TRPM7: variants seen among roughly 807,000 people sequenced by gnomAD.
TRPM7 encodes the protein LTRPC ion channel family member 7.
Under a neutral mutation model 229.7 loss-of-function variants are expected in TRPM7, and 134 were observed. That is an observed-to-expected ratio of 0.58 (90% CI 0.51 to 0.67). The LOEUF (loss-of-function observed/expected upper bound fraction) is 0.67. Among genes scored for constraint, TRPM7 ranks in the 30% least tolerant of loss-of-function variants. The probability of loss-of-function intolerance (pLI) is 0.00; values close to 1 mark genes in which losing one functional copy is unlikely to be tolerated. For missense variants in TRPM7, 1,901 were observed against 2,210.0 expected (o/e 0.86, Z 2.80); for synonymous variants, 699 against 715.2 (o/e 0.98, Z 0.36).
chr15:50,650,876 T>A lies in TRPM7; in HGVS notation c.123-1991A>T, dbSNP rs116737900. ...TAACCAAAAACATAAAATTCACTATTGTCAGCATGCATGAAAAATTCCCAG... is the reference window on the plus strand; with the variant it reads ...TAACCAAAAACATAAAATTCACTATAGTCAGCATGCATGAAAAATTCCCAG... On this transcript the variant is annotated intron_variant, in intron 3 of 38. Transcript: ENST00000646667. Among the ~76,000 whole-genome samples the A allele has an allele frequency of 4.0e-3, 616 of 152,276 alleles. 5 individuals carry two copies. Among genetic ancestry groups the A allele is most frequent in the African/African-American group, 0.014 (582 of 41,554 alleles).
intron 5 of TRPM7, 90 bp from the exon 6 acceptor site, chr15:50,639,638 C>CTCACTGCAGCCTCA (rs2061027669): frequency 1.4e-5 from 17 of 1,188,364 alleles, no homozygotes; most frequent in Non-Finnish European, 1.9e-5. Context: ...GCAATGACAG[C>CTCACTGCAGCCTCA]TCACTGCAGC....
At chr15:50,562,937 C>T (rs563837820) in intron 38 of TRPM7, among the ~76,000 whole-genome samples, 1 of 152,158 alleles carries the variant, frequency 6.6e-6, no homozygotes, top group South Asian at 2.1e-4. Flanking sequence ...TATCAAAGCT[C>T]TAGGAGGAGT....
At chr15:50,602,577 G>C (rs551953208) in intron 21 of TRPM7, among the ~76,000 whole-genome samples, 2 of 152,020 alleles carry the variant, frequency 1.3e-5, no homozygotes, top group Non-Finnish European at 2.9e-5. Flanking sequence ...CTATCTTCAC[G>C]TAACAATTTA....
chr15:50,587,342 ATATTTTTC>A (rs1382096866), intron 27 of TRPM7, among the ~76,000 whole-genome samples: 1 of 146,710 alleles, frequency 6.8e-6, no homozygotes, highest in African/African-American at 2.5e-5. Flanking sequence ...TTTTCCCTTA[ATATTTTTC>A]TATTATTTAT....
chr15:50,638,341 A>C, intron 6 of TRPM7, among the ~76,000 whole-genome samples: 1 of 122,036 alleles, frequency 8.2e-6, no homozygotes, highest in East Asian at 3.0e-4. Context: ...CCTGGGCGAC[A>C]GAGCGAGACT....
chr15:50,611,456 A>C, intron 16 of TRPM7, 135 bp from the exon 17 acceptor site: 1 of 683,344 alleles, frequency 1.5e-6, no homozygotes, highest in South Asian at 2.0e-5. Context: ...CATTAAAACC[A>C]TAACTCTGTT....
intron 27 of TRPM7, chr15:50,588,356 A>C: frequency 4.0e-6 from 1 of 249,758 alleles, no homozygotes; most frequent in Non-Finnish European, 6.3e-6. Context: ...ATAATAACCA[A>C]TTAAATACCA....
rs1566973990 is a variant in TRPM7 at position 50,594,556 on chromosome 15, A to G, written c.3348T>C (p.Tyr1116=). The change falls in exon 24 of 39, where the codon TAT becomes TAC. Residue 1116 remains tyrosine (Y), a synonymous_variant. Transcript: ENST00000646667. Reference sequence around the variant, plus strand: ...TCTCATGATAAGCCATAATAAAATGATAACGCTGGTACTTCCATACAATAT... The same window carrying G: ...TCTCATGATAAGCCATAATAAAATGGTAACGCTGGTACTTCCATACAATAT... ...ISNIVWKYQR[Y]HFIMAYHEKP... The G allele has an allele frequency of 1.9e-6, 3 of 1,612,868 alleles. No individual in the cohort carries two copies. The highest frequency in any genetic ancestry group is 1.1e-5 in the South Asian group (1 of 90,924).
At chr15:50,614,886 C>A (rs2060176099) in intron 13 of TRPM7, among the ~76,000 whole-genome samples, 1 of 151,876 alleles carries the variant, frequency 6.6e-6, no homozygotes, top group Non-Finnish European at 1.5e-5. Flanking sequence ...TGAGACAAAG[C>A]AGGCTGGGCG....
chr15:50,576,955 T>C (rs1267247955), intron 31 of TRPM7, among the ~76,000 whole-genome samples: 1 of 151,834 alleles, frequency 6.6e-6, no homozygotes, highest in East Asian at 2.0e-4. Flanking sequence ...CAAAAAAGAT[T>C]TTTAAAATTA....
chr15:50,623,688 T>G (rs187732113), intron 12 of TRPM7, among the ~76,000 whole-genome samples: 5 of 151,794 alleles, frequency 3.3e-5, no homozygotes, highest in African/African-American at 1.2e-4. Flanking sequence ...AATGTGAAAG[T>G]CTTTGTTACG....
At chr15:50,633,184 A>C (rs966504063) in intron 8 of TRPM7, among the ~76,000 whole-genome samples, 192 bp from the exon 9 acceptor site, 1 of 152,184 alleles carries the variant, frequency 6.6e-6, no homozygotes, top group Non-Finnish European at 1.5e-5. Context: ...AATGAAACGG[A>C]GTGATTTTTC....
In TRPM7 at chr15:50,663,552, C is replaced by T. The variant is rs7169943; in HGVS notation, c.4-506G>A. On this transcript the variant is annotated intron_variant, in intron 1 of 38. Coordinates refer to ENST00000646667, the MANE Select transcript of TRPM7 (RefSeq NM_017672.6). ...CAAGTGACCTAGGTTATTAAATCAA[C>T]AGTACTGTGTAGATACTATTGCTTC... Among the ~76,000 whole-genome samples, 439 of 152,264 alleles carry T rather than the reference C, an allele frequency of 2.9e-3. 3 individuals carry two copies. The highest frequency in any genetic ancestry group is 0.01 in the African/African-American group (429 of 41,552).
In TRPM7 at chr15:50,686,509, C is replaced by T. The variant is rs780586641; in HGVS notation, c.3+22G>A. ...CGCAACCCCAGAACCATTCCCCGCCCGGGCCTGCGTGGGTCCAGTACCATT... is the reference window on the plus strand; with the variant it reads ...CGCAACCCCAGAACCATTCCCCGCCTGGGCCTGCGTGGGTCCAGTACCATT... On this transcript the variant is annotated intron_variant, in intron 1 of 38. Transcript: ENST00000646667. The T allele has an allele frequency of 4.3e-6, 7 of 1,613,896 alleles. No individual in the cohort carries two copies. The South Asian group carries it at 7.7e-5, about 18-fold the overall frequency.
At position 50,574,935 on chromosome 15, in the gene TRPM7, T is replaced by C. The variant is rs772139592; in HGVS notation, c.4936A>G (p.Ile1646Val). The C allele has an allele frequency of 3.1e-6, 5 of 1,614,130 alleles. No individual in the cohort carries two copies. Among genetic ancestry groups the C allele is most frequent in the South Asian group, 1.1e-5 (1 of 91,084 alleles). ...ACCTCTGGAAGAAAAGATTTGATAA[T>C]ATAAAGATGCCCTGATTTGAGGATA... is the stretch of plus-strand genomic sequence containing the variant. ...HDILKSGHLY[I>V]IKSFLPEVVN... The change falls in exon 34 of 39, where the codon ATT becomes GTT. Residue 1646 changes from isoleucine to valine, a missense_variant. Physicochemically the swap from Ile to Val is conservative, Grantham distance 29. Around this residue, in one of 8 missense-constraint regions of TRPM7, gnomAD observed 257 missense variants for 352.0 expected, o/e 0.73. Transcript: ENST00000646667.
chr15:50,660,575 A>T (rs1046619797), intron 2 of TRPM7, among the ~76,000 whole-genome samples: 2 of 152,160 alleles, frequency 1.3e-5, no homozygotes, highest in Non-Finnish European at 2.9e-5. Flanking sequence ...GAATCGCTTG[A>T]ACCCGGAAGG....
intron 22 of TRPM7, among the ~76,000 whole-genome samples, chr15:50,596,898 G>C (rs759190120): frequency 1.3e-4 from 20 of 152,110 alleles, no homozygotes; most frequent in Non-Finnish European, 2.8e-4. Flanking sequence ...CAACAGGCAT[G>C]CGCCACCATG....
chr15:50,612,977 A>AG, intron 15 of TRPM7, 148 bp from the exon 16 acceptor site: 1 of 725,208 alleles, frequency 1.4e-6, no homozygotes, highest in Admixed American at 3.5e-5. Flanking sequence ...TTTTTATTAT[A>AG]GCTCATAATT....
chr15:50,584,937 G>A lies in TRPM7; in HGVS notation c.4486+1455C>T, dbSNP rs1037631188. 5.3e-5 allele frequency among the ~76,000 whole-genome samples: 8 copies of A among 151,816 alleles called. No individual in the cohort carries two copies. In the East Asian group the frequency reaches 9.7e-4, roughly 18 times the overall value. On this transcript the variant is annotated intron_variant, in intron 28 of 38. Coordinates refer to ENST00000646667, the MANE Select transcript of TRPM7 (RefSeq NM_017672.6). ...ATTGCACAGGCTGGAGTGCAGTCGC[G>A]CTATCTTGGCTCACTGCAACCTCCA... is the stretch of plus-strand genomic sequence containing the variant.
Sources: gnomAD v4.1 joint callset for allele counts (sites outside exome capture counted in the v4.1 genomes callset) on GRCh38, gnomAD v4.1.1 for gene constraint, gnomAD v4.1.1 regional missense constraint, MANE v1.5 for transcripts, NCBI Gene and HGNC (gene_info 2026-07-23, HGNC 2026-07-21) for gene names.